Variants in NRG1 observed in about 807,000 individuals in gnomAD.
NRG1 encodes neuregulin 1, also known as pro-neuregulin-1, membrane-bound isoform.
NRG1 carries 18 observed loss-of-function variants against 63.8 expected under a neutral mutation model. The ratio of observed to expected loss-of-function variants is 0.28; its 90% CI spans 0.19 to 0.42. The LOEUF (loss-of-function observed/expected upper bound fraction) is 0.42, where lower values mean the gene tolerates loss of function less well. Ranked by LOEUF, NRG1 falls within the 10% of genes least tolerant of loss-of-function variation. The pLI, the probability that NRG1 is intolerant of heterozygous loss-of-function variation, is 1.00. For synonymous variants in NRG1, 302 were observed against 301.3 expected (o/e 1.00, Z -0.02); for missense variants, 762 against 814.7 (o/e 0.94, Z 0.79).
intron 1 of NRG1, among the ~76,000 whole-genome samples, chr8:31,729,246 T>A (rs1813769290): frequency 6.6e-6 from 1 of 152,034 alleles, no homozygotes; most frequent in Admixed American, 6.6e-5. Context: ...AGTTTTTTTT[T>A]TTTTTCCTTT....
intron 1 of NRG1, among the ~76,000 whole-genome samples, chr8:32,286,872 C>A (rs1414442085): frequency 6.6e-6 from 1 of 152,156 alleles, no homozygotes; most frequent in Non-Finnish European, 1.5e-5. Flanking sequence ...TGGCGGGCAC[C>A]TGTAATCCCA....
At chr8:31,933,746 T>C (rs1377214595) in intron 1 of NRG1, among the ~76,000 whole-genome samples, 1 of 152,228 alleles carries the variant, frequency 6.6e-6, no homozygotes, top group Non-Finnish European at 1.5e-5. Flanking sequence ...TTTTTATAAT[T>C]GATACAACTG....
At chr8:32,444,519 C>T (rs1403111782) in intron 1 of NRG1, among the ~76,000 whole-genome samples, 1 of 152,130 alleles carries the variant, frequency 6.6e-6, no homozygotes, top group South Asian at 2.1e-4. Context: ...ATGTTTTAAT[C>T]ACCTATTTTT....
chr8:31,855,511 C>T (rs1199372446), intron 1 of NRG1, among the ~76,000 whole-genome samples: 2 of 152,136 alleles, frequency 1.3e-5, no homozygotes, highest in Non-Finnish European at 2.9e-5. Context: ...TGTGTCTCTG[C>T]ACGTGAGATG....
chr8:31,971,790 C>T (rs928820383), intron 1 of NRG1, among the ~76,000 whole-genome samples: 4 of 152,080 alleles, frequency 2.6e-5, no homozygotes, highest in South Asian at 2.1e-4. Flanking sequence ...TCTTTCATCG[C>T]CCCTGAAACT....
intron 1 of NRG1, among the ~76,000 whole-genome samples, chr8:32,406,580 T>G (rs1814021880): frequency 6.6e-6 from 1 of 152,006 alleles, no homozygotes; most frequent in African/African-American, 2.4e-5. Flanking sequence ...TTTTTACAGA[T>G]TTAGTCAGAT....
intron 1 of NRG1, among the ~76,000 whole-genome samples, chr8:32,229,378 G>T (rs1846662913): frequency 6.6e-6 from 1 of 152,116 alleles, no homozygotes; most frequent in Non-Finnish European, 1.5e-5. Flanking sequence ...TGTGAGTCAG[G>T]GTTCTCCTGA....
At chr8:32,749,656 T>G in intron 7 of NRG1, 1 of 1,440,248 alleles carries the variant, frequency 6.9e-7, no homozygotes, top group East Asian at 2.3e-5. Flanking sequence ...TTTCCCTTCC[T>G]ACTCTTACCT....
chr8:32,504,053 C>T (rs1455439878), intron 1 of NRG1, among the ~76,000 whole-genome samples: 2 of 152,126 alleles, frequency 1.3e-5, no homozygotes. Context: ...CTTAGCAAAT[C>T]CAGTGTTCCT....
intron 1 of NRG1, among the ~76,000 whole-genome samples, chr8:32,127,435 TACTC>T (rs985640274): frequency 6.6e-6 from 1 of 151,704 alleles, no homozygotes; most frequent in Non-Finnish European, 1.5e-5. Context: ...GGAAAGAAAA[TACTC>T]ACAAATAGTT....
At chr8:31,893,301 A>G (rs1831297945) in intron 1 of NRG1, among the ~76,000 whole-genome samples, 1 of 151,510 alleles carries the variant, frequency 6.6e-6, no homozygotes, top group African/African-American at 2.4e-5. Context: ...AATAAATTTC[A>G]TATAGATTTT....
intron 1 of NRG1, among the ~76,000 whole-genome samples, chr8:32,141,667 A>C (rs1836297203): frequency 1.4e-5 from 2 of 144,586 alleles, no homozygotes; most frequent in Admixed American, 6.9e-5. Flanking sequence ...ATGCATCCAA[A>C]ATATTCACAA....
At chr8:32,025,620 T>G (rs7837400) in intron 1 of NRG1, among the ~76,000 whole-genome samples, 1 of 151,258 alleles carries the variant, frequency 6.6e-6, no homozygotes, top group Non-Finnish European at 1.5e-5. Flanking sequence ...TTTTTTTTTT[T>G]TTTTTATTTT....
At chr8:31,639,499 A>T (rs917925450) in intron 1 of NRG1, 15 of 1,525,262 alleles carry the variant, frequency 9.8e-6, no homozygotes, top group Non-Finnish European at 1.3e-5. Flanking sequence ...CAGGCACGCA[A>T]CTCCGCCTCC....
chr8:31,725,898 T>C (rs1011220662), intron 1 of NRG1, among the ~76,000 whole-genome samples: 1 of 152,152 alleles, frequency 6.6e-6, no homozygotes, highest in African/African-American at 2.4e-5. Flanking sequence ...GTCGCTGTAA[T>C]TGTATTGAAG....
At chr8:32,737,948 C>T (rs934230183) in intron 6 of NRG1, among the ~76,000 whole-genome samples, 1 of 152,078 alleles carries the variant, frequency 6.6e-6, no homozygotes, top group Non-Finnish European at 1.5e-5. Flanking sequence ...GCTGGGATTA[C>T]GGGTCTTAGC....
intron 1 of NRG1, among the ~76,000 whole-genome samples, chr8:32,467,668 G>C (rs1368043691): frequency 6.6e-6 from 1 of 151,850 alleles, no homozygotes; most frequent in Non-Finnish European, 1.5e-5. Context: ...CCTTTAAAGA[G>C]TATAACATGT....
chr8:32,715,476 G>A (rs781505095), intron 5 of NRG1, among the ~76,000 whole-genome samples: 1 of 152,106 alleles, frequency 6.6e-6, no homozygotes, highest in Non-Finnish European at 1.5e-5. Context: ...TCCCACTGGT[G>A]ACTGATTTCT....
At chr8:32,332,141 T>C (rs950209500) in intron 1 of NRG1, among the ~76,000 whole-genome samples, 9 of 151,726 alleles carry the variant, frequency 5.9e-5, no homozygotes, top group African/African-American at 2.2e-4. Context: ...AATAAAAAAA[T>C]ATAAAAAAAA....
Sources: gnomAD v4.1 joint callset for allele counts (sites outside exome capture counted in the v4.1 genomes callset) on GRCh38, gnomAD v4.1.1 for gene constraint, MANE v1.5 for transcripts, NCBI Gene and HGNC (gene_info 2026-07-23, HGNC 2026-07-21) for gene names.